The following NCK2 variants were observed in gnomAD, a reference collection of about 807,000 sequenced individuals.
The protein encoded by NCK2 is cytoplasmic protein NCK2.
A neutral mutation model predicts 33.9 loss-of-function variants in NCK2; 16 were observed. That is an observed-to-expected ratio of 0.47 (90% CI 0.32 to 0.72). NCK2 has a LOEUF of 0.72. Ranked by LOEUF, NCK2 falls within the 30% of genes least tolerant of loss-of-function variation. The pLI is 0.03. For missense variants in NCK2, 418 were observed against 537.3 expected (o/e 0.78, Z 2.19); for synonymous variants, 273 against 239.9 (o/e 1.14, Z -1.27).
At chr2:105,874,006 C>G (rs558351466) in intron 3 of NCK2, among the ~76,000 whole-genome samples, 24 of 152,108 alleles carry the variant, frequency 1.6e-4, no homozygotes, top group African/African-American at 5.8e-4. Context: ...GGGGAAGGCT[C>G]GGGGTGAGAT....
intron 1 of NCK2, among the ~76,000 whole-genome samples, chr2:105,813,810 G>A (rs1675379306): frequency 6.6e-6 from 1 of 152,206 alleles, no homozygotes; most frequent in Admixed American, 6.5e-5. Flanking sequence ...TTTTGCAGTG[G>A]TAAAATTTTG....
intron 2 of NCK2, among the ~76,000 whole-genome samples, chr2:105,818,374 A>G (rs1036056315): frequency 4.6e-5 from 7 of 151,702 alleles, no homozygotes; most frequent in African/African-American, 9.7e-5. Context: ...ACATGTATAC[A>G]TATATAACAA....
At chr2:105,785,356 C>A (rs1482929557) in intron 1 of NCK2, among the ~76,000 whole-genome samples, 2 of 152,172 alleles carry the variant, frequency 1.3e-5, no homozygotes, top group African/African-American at 4.8e-5. Flanking sequence ...TTCCCCCGTC[C>A]TGGCCAAGGA....
chr2:105,829,404 T>G (rs973877128), intron 2 of NCK2, among the ~76,000 whole-genome samples: 22 of 152,178 alleles, frequency 1.4e-4, no homozygotes, highest in African/African-American at 5.3e-4. Context: ...GAACTAAAAT[T>G]GGTCCATTAT....
intron 3 of NCK2, chr2:105,855,547 CCTTGTAT>C (rs1456594854): frequency 2.0e-5 from 7 of 356,934 alleles, no homozygotes; most frequent in Non-Finnish European, 3.1e-5. Flanking sequence ...ACAGGTATCT[CCTTGTAT>C]CAAAACGTTA....
intron 2 of NCK2, among the ~76,000 whole-genome samples, chr2:105,820,556 G>T (rs1049835539): frequency 9.9e-5 from 15 of 152,136 alleles, no homozygotes; most frequent in South Asian, 2.1e-4. Context: ...ACAAAGTCTT[G>T]GGACCCTGCG....
At position 105,893,391 on chromosome 2, in the gene NCK2, G is replaced by C; in HGVS notation, c.*215G>C. ...GGCCGGCCAGCTTTAGAGGAGGGGA[G>C]GAGCAGGGCGAGTTCACATTATTCC... On this transcript the variant is annotated 3_prime_UTR_variant, in exon 5 of 5. Coordinates refer to ENST00000233154, the MANE Select transcript of NCK2 (RefSeq NM_003581.5). 1.9e-6 allele frequency: 1 copy of C among 525,506 alleles called. No individual in the cohort carries two copies. Among genetic ancestry groups the C allele is most frequent in the African/African-American group, 1.9e-5 (1 of 53,016 alleles). 32.6% of individuals were successfully genotyped at this position (525,506 alleles called of 1,614,324 possible).
chr2:105,757,640 C>T (rs1345584964), intron 1 of NCK2, among the ~76,000 whole-genome samples: 1 of 152,134 alleles, frequency 6.6e-6, no homozygotes, highest in Non-Finnish European at 1.5e-5. Flanking sequence ...CAAACACCAG[C>T]CTTTGGGGAG....
At chr2:105,810,883 G>C (rs139820978) in intron 1 of NCK2, among the ~76,000 whole-genome samples, 4 of 152,060 alleles carry the variant, frequency 2.6e-5, no homozygotes, top group Non-Finnish European at 5.9e-5. Context: ...ATTAATATTT[G>C]CCCGGCTATG....
intron 2 of NCK2, among the ~76,000 whole-genome samples, chr2:105,840,367 TTAATGAAA>T (rs1411981675): frequency 6.6e-6 from 1 of 152,162 alleles, no homozygotes; most frequent in Non-Finnish European, 1.5e-5. Context: ...TGAATTTCTG[TTAATGAAA>T]TAAGGAGGGC....
At chr2:105,878,789 G>C (rs1208106827) in intron 3 of NCK2, among the ~76,000 whole-genome samples, 2 of 152,188 alleles carry the variant, frequency 1.3e-5, no homozygotes, top group Admixed American at 6.5e-5. Context: ...AGACTATTTA[G>C]ATCACATTCA....
intron 1 of NCK2, among the ~76,000 whole-genome samples, chr2:105,745,572 T>G (rs1014878611): frequency 1.3e-5 from 2 of 152,028 alleles, no homozygotes; most frequent in Non-Finnish European, 2.9e-5. Flanking sequence ...CCAGGGCGCG[T>G]GTGCCGGGGA....
intron 4 of NCK2, among the ~76,000 whole-genome samples, chr2:105,891,151 G>A (rs1410097585): frequency 2.0e-5 from 3 of 152,122 alleles, no homozygotes; most frequent in Admixed American, 2.0e-4. Context: ...CACACGCTAC[G>A]CATACTCTCA....
intron 1 of NCK2, among the ~76,000 whole-genome samples, chr2:105,797,197 C>A (rs927724110): frequency 3.3e-5 from 5 of 152,144 alleles, no homozygotes; most frequent in African/African-American, 1.2e-4. Context: ...TTCTGTCTGG[C>A]CAAATTCAGG....
intron 1 of NCK2, among the ~76,000 whole-genome samples, chr2:105,776,745 C>T (rs1481704983): frequency 6.6e-6 from 1 of 152,260 alleles, no homozygotes; most frequent in African/African-American, 2.4e-5. Flanking sequence ...GCTCCCAGCT[C>T]CTGGCTGCAG....
chr2:105,830,902 T>A (rs1676161000), intron 2 of NCK2, among the ~76,000 whole-genome samples: 2 of 152,190 alleles, frequency 1.3e-5, no homozygotes, highest in African/African-American at 4.8e-5. Context: ...TGGTCATTTT[T>A]AAAACCAGAT....
chr2:105,810,132 G>A (rs1329999407), intron 1 of NCK2, among the ~76,000 whole-genome samples: 3 of 152,172 alleles, frequency 2.0e-5, no homozygotes, highest in Admixed American at 6.5e-5. Context: ...AACAGGGAAA[G>A]GAGTGTGGAA....
intron 1 of NCK2, among the ~76,000 whole-genome samples, chr2:105,779,032 C>T (rs1313865534): frequency 6.6e-6 from 1 of 152,050 alleles, no homozygotes; most frequent in East Asian, 1.9e-4. Context: ...TAAGGCTGGG[C>T]ACAGTGGCTC....
intron 2 of NCK2, among the ~76,000 whole-genome samples, chr2:105,843,693 T>C (rs1223640227): frequency 6.6e-6 from 1 of 152,202 alleles, no homozygotes; most frequent in Non-Finnish European, 1.5e-5. Context: ...CAATATTGGA[T>C]GGTAGCCCAG....
Sources: allele counts gnomAD v4.1 joint callset (sites outside exome capture counted in the v4.1 genomes callset), GRCh38; gene constraint gnomAD v4.1.1; transcripts MANE v1.5; gene names NCBI Gene and HGNC (gene_info 2026-07-23, HGNC 2026-07-21).